The following LRP1B variants were observed in gnomAD, a reference collection of about 807,000 sequenced individuals.
LRP1B encodes the protein LDL receptor related protein 1B.
Under a neutral mutation model 556.6 loss-of-function variants are expected in LRP1B, and 217 were observed. That is an observed-to-expected ratio of 0.39 (90% CI 0.35 to 0.44). LRP1B has a LOEUF of 0.44. Among genes scored for constraint, LRP1B ranks in the 20% least tolerant of loss-of-function variants. LRP1B has a pLI of 1.00. For synonymous variants in LRP1B, 2,047 were observed against 1,865.8 expected (o/e 1.10, Z -2.50); for missense variants, 5,053 against 5,620.8 (o/e 0.90, Z 3.23).
At position 140,576,607 on chromosome 2, in the gene LRP1B, T is replaced by A. The variant is rs148451811; in HGVS notation, c.7194+22024A>T. On this transcript the variant is annotated intron_variant, in intron 43 of 90. Coordinates refer to ENST00000389484, the MANE Select transcript of LRP1B (RefSeq NM_018557.3). The stretch of plus-strand genomic sequence containing the variant: ...AAGATCAGCTTCAAAGATCATCTGT[T>A]ATTCACTATACAAACCCTTGCCACT... 3.7e-3 allele frequency among the ~76,000 whole-genome samples: 564 copies of A among 152,334 alleles called. 7 individuals are homozygous for A. Among genetic ancestry groups the A allele is most frequent in the East Asian group, 0.033 (172 of 5,178 alleles).
At chr2:140,371,440 T>C (rs1232522333) in intron 69 of LRP1B, among the ~76,000 whole-genome samples, 155 bp from the exon 70 acceptor site, 1 of 151,860 alleles carries the variant, frequency 6.6e-6, no homozygotes, top group Non-Finnish European at 1.5e-5. Context: ...CAGATTCATT[T>C]AAATTATTTA....
chr2:141,069,232 C>A (rs1252485175), intron 7 of LRP1B, among the ~76,000 whole-genome samples: 1 of 151,962 alleles, frequency 6.6e-6, no homozygotes, highest in African/African-American at 2.4e-5. Flanking sequence ...GCTTTTTAGG[C>A]CTTTCTTTCA....
intron 7 of LRP1B, among the ~76,000 whole-genome samples, chr2:141,155,415 T>C (rs1317790995): frequency 6.6e-6 from 1 of 151,854 alleles, no homozygotes; most frequent in Non-Finnish European, 1.5e-5. Flanking sequence ...ATACTATTTT[T>C]CTGGAAATGG....
At chr2:141,041,929 C>A (rs996688712) in intron 11 of LRP1B, among the ~76,000 whole-genome samples, 5 of 152,048 alleles carry the variant, frequency 3.3e-5, no homozygotes, top group Admixed American at 2.0e-4. Context: ...AATCCTTTCA[C>A]TTAATCACAC....
intron 2 of LRP1B, among the ~76,000 whole-genome samples, chr2:141,792,742 A>G (rs944262270): frequency 7.2e-5 from 11 of 152,146 alleles, no homozygotes; most frequent in Admixed American, 3.9e-4. Context: ...CAGGGAACCA[A>G]CGTGGTCTCA....
intron 10 of LRP1B, among the ~76,000 whole-genome samples, chr2:141,052,067 T>C (rs1699051012): frequency 6.6e-6 from 1 of 151,998 alleles, no homozygotes; most frequent in South Asian, 2.1e-4. Flanking sequence ...ATTTTCCAAA[T>C]GGTTTTCTGT....
intron 2 of LRP1B, among the ~76,000 whole-genome samples, chr2:141,681,539 T>C (rs1467828736): frequency 1.3e-5 from 2 of 152,156 alleles, no homozygotes; most frequent in African/African-American, 4.8e-5. Context: ...GATTAGAGTA[T>C]TAAGATTTGT....
rs17386302 is a variant in LRP1B, at chr2:140,316,924, C to T, written c.12641-1825G>A. ...AAGTGTACTGTAAAATTTCAACAGG[C>T]GATTGATATGTTCATTTGTTAAAGT... On this transcript the variant is annotated intron_variant, in intron 82 of 90. Transcript: ENST00000389484. Among the ~76,000 whole-genome samples the T allele has an allele frequency of 3.0e-4, 46 of 152,074 alleles. No homozygotes were observed. In the South Asian group the frequency reaches 8.9e-3, roughly 30 times the overall value.
chr2:141,713,507 C>T lies in LRP1B; in HGVS notation c.205+96772G>A, dbSNP rs556333939. 7.2e-5 allele frequency among the ~76,000 whole-genome samples: 11 copies of T among 152,176 alleles called. 1 individual carries two copies. Among genetic ancestry groups the T allele is most frequent in the African/African-American group, 7.2e-5 (3 of 41,532 alleles). ...TGAATATAATATAACATGATAAATG[C>T]GGTATCTGTTAAATAGCAATGTAAT... On this transcript the variant is annotated intron_variant, in intron 2 of 90. Transcript: ENST00000389484.
At chr2:140,316,337 A>G (rs552359388) in intron 82 of LRP1B, among the ~76,000 whole-genome samples, 1 of 152,282 alleles carries the variant, frequency 6.6e-6, no homozygotes, top group Non-Finnish European at 1.5e-5. Context: ...GCTTGAATAT[A>G]TCACTGCAAT....
chr2:141,594,767 G>C (rs1687461252), intron 2 of LRP1B, among the ~76,000 whole-genome samples: 1 of 152,004 alleles, frequency 6.6e-6, no homozygotes, highest in Non-Finnish European at 1.5e-5. Flanking sequence ...AAAAGAAAAA[G>C]AAGATAATTT....
intron 1 of LRP1B, among the ~76,000 whole-genome samples, chr2:142,004,983 T>G (rs1279009773): frequency 1.3e-5 from 2 of 149,010 alleles, no homozygotes; most frequent in Non-Finnish European, 3.0e-5. Context: ...ATATTTAGTA[T>G]TATAGATACT....
At chr2:140,450,793 C>T (rs1484032789) in intron 62 of LRP1B, 132 bp from the exon 63 acceptor site, 1 of 614,104 alleles carries the variant, frequency 1.6e-6, no homozygotes, top group African/African-American at 1.9e-5. Context: ...TTGGAAAATT[C>T]CACAATAGGA....
intron 1 of LRP1B, among the ~76,000 whole-genome samples, chr2:141,961,446 G>T (rs1418531757): frequency 5.3e-5 from 8 of 151,634 alleles, no homozygotes; most frequent in Non-Finnish European, 1.2e-4. Context: ...ACCTAATAAG[G>T]TGAGTTTTTT....
chr2:140,754,810 AAAGAT>A lies in LRP1B; in HGVS notation c.5758+14398_5758+14402del, dbSNP rs748311683. On this transcript the variant is annotated intron_variant, in intron 35 of 90. Transcript: ENST00000389484. ...AAACAAGCAGAAACAAGGACACGATAAAGATTAGAGTGAAATTTTTAAAAATACAG... is the reference window on the plus strand; with the variant it reads ...AAACAAGCAGAAACAAGGACACGATATAGAGTGAAATTTTTAAAAATACAG... Among the ~76,000 whole-genome samples, 717 of 151,756 alleles carry A rather than the reference AAAGAT, an allele frequency of 4.7e-3. 3 individuals are homozygous for A. Among genetic ancestry groups the A allele is most frequent in the Middle Eastern group, 0.017 (5 of 292 alleles).
chr2:141,484,244 G>C (rs11900032), intron 2 of LRP1B, among the ~76,000 whole-genome samples: 70,897 of 140,916 alleles, frequency 0.5, 17,924 homozygotes, highest in Non-Finnish European at 0.54. Context: ...GCTTGTTTTT[G>C]TCAGGTTTGT....
intron 3 of LRP1B, among the ~76,000 whole-genome samples, chr2:141,474,761 G>C (rs1212771800): frequency 6.6e-6 from 1 of 152,000 alleles, no homozygotes; most frequent in African/African-American, 2.4e-5. Flanking sequence ...AAAATGTTCA[G>C]AATAGAAAAA....
chr2:141,342,251 A>T (rs867915276), intron 3 of LRP1B, among the ~76,000 whole-genome samples: 229 of 134,968 alleles, frequency 1.7e-3, no homozygotes, highest in Non-Finnish European at 2.9e-3. Flanking sequence ...CTCAAAAAAA[A>T]AAAAAATAAA....
At chr2:141,071,685 G>T (rs1003013812) in intron 7 of LRP1B, among the ~76,000 whole-genome samples, 30 of 152,066 alleles carry the variant, frequency 2.0e-4, no homozygotes, top group Middle Eastern at 3.4e-3. Context: ...TGTACAAAAA[G>T]CACAAGCATT....
Sources: allele counts gnomAD v4.1 joint callset (sites outside exome capture counted in the v4.1 genomes callset), GRCh38; gene constraint gnomAD v4.1.1; transcripts MANE v1.5; gene names NCBI Gene and HGNC (gene_info 2026-07-23, HGNC 2026-07-21).